The following XIRP2 variants were observed in gnomAD, a reference collection of about 807,000 sequenced individuals.
The protein encoded by XIRP2 is xin actin-binding repeat-containing protein 2.
Under a neutral mutation model 277.0 loss-of-function variants are expected in XIRP2, and 236 were observed. That is an observed-to-expected ratio of 0.85 (90% CI 0.77 to 0.95). The LOEUF is 0.95. Among genes scored for constraint, XIRP2 ranks in the 40% least tolerant of loss-of-function variants. The probability of loss-of-function intolerance (pLI) is 0.00; values close to 1 mark genes in which losing one functional copy is unlikely to be tolerated. For missense variants in XIRP2, 4,640 were observed against 4,157.5 expected (o/e 1.12, Z -3.19); for synonymous variants, 1,490 against 1,416.5 (o/e 1.05, Z -1.17).
intron 2 of XIRP2, among the ~76,000 whole-genome samples, chr2:166,951,531 A>G (rs903840963): frequency 6.6e-6 from 1 of 152,026 alleles, no homozygotes; most frequent in African/African-American, 2.4e-5. Flanking sequence ...AGTGGAAAAA[A>G]AAAATTTAGA....
At chr2:167,129,395 G>A (rs1272663128) in intron 2 of XIRP2, among the ~76,000 whole-genome samples, 1 of 152,072 alleles carries the variant, frequency 6.6e-6, no homozygotes, top group African/African-American at 2.4e-5. Flanking sequence ...ATATAAAGCA[G>A]TAGGGCAACC....
intron 2 of XIRP2, among the ~76,000 whole-genome samples, chr2:167,135,545 G>A (rs1691518431): frequency 6.6e-6 from 1 of 151,930 alleles, no homozygotes; most frequent in Non-Finnish European, 1.5e-5. Flanking sequence ...TTTTTACATT[G>A]CCATTTTTTG....
At chr2:167,176,813 C>G (rs1692859400) in intron 3 of XIRP2, among the ~76,000 whole-genome samples, 1 of 152,248 alleles carries the variant, frequency 6.6e-6, no homozygotes, top group African/African-American at 2.4e-5. Context: ...TTTAGCAAGT[C>G]CTGGTAGTTG....
At chr2:167,230,374 G>A (rs1694717454) in intron 5 of XIRP2, among the ~76,000 whole-genome samples, 2 of 151,788 alleles carry the variant, frequency 1.3e-5, no homozygotes. Context: ...CTTTTTTGTT[G>A]TTGTTTTTGA....
intron 3 of XIRP2, among the ~76,000 whole-genome samples, chr2:167,196,624 T>C (rs1573949447): frequency 6.6e-6 from 1 of 152,068 alleles, no homozygotes; most frequent in African/African-American, 2.4e-5. Flanking sequence ...ATTAGCGAGG[T>C]TTGTGACATT....
In XIRP2 at chr2:167,193,879, C is replaced by CAAAAA. The variant is rs767047580; in HGVS notation, c.563-16839_563-16835dup. On this transcript the variant is annotated intron_variant, in intron 3 of 10. Transcript: ENST00000409195. ...GGTGACACAGTATGAGACTCTGTCT[C>CAAAAA]AAAAAAAAAAAAAAAAAAAAATTCA... 6.8e-3 allele frequency among the ~76,000 whole-genome samples: 489 copies of CAAAAA among 71,792 alleles called. 12 individuals are homozygous for CAAAAA. Among genetic ancestry groups the CAAAAA allele is most frequent in the African/African-American group, 0.024 (466 of 19,282 alleles). The allele number at this position is 71,792 out of a possible 152,430, so 47.1% of individuals were successfully genotyped here. A position where few individuals can be genotyped will look rare whatever the true frequency, so the allele number is the denominator to read the frequency against.
At chr2:167,069,757 G>C (rs1689393713) in intron 2 of XIRP2, among the ~76,000 whole-genome samples, 1 of 152,108 alleles carries the variant, frequency 6.6e-6, no homozygotes, top group African/African-American at 2.4e-5. Flanking sequence ...GCACACAAAA[G>C]CCAGCTAACC....
In XIRP2 at chr2:167,061,958, C is replaced by T. The variant is rs533055425; in HGVS notation, c.409-73951C>T. ...CATTTTTTATGGCAGTCCTACAAAA[C>T]TAATACACTCAGTTTTTTGATAAAC... On this transcript the variant is annotated intron_variant, in intron 2 of 10. Coordinates refer to ENST00000409195, the MANE Select transcript of XIRP2 (RefSeq NM_152381.6). Among the ~76,000 whole-genome samples, 4 of 152,268 alleles carry T rather than the reference C, an allele frequency of 2.6e-5. No individual in the cohort carries two copies. The East Asian group carries it at 7.7e-4, about 29-fold the overall frequency.
chr2:167,155,024 C>A (rs1574304228), intron 3 of XIRP2, among the ~76,000 whole-genome samples: 1 of 151,966 alleles, frequency 6.6e-6, no homozygotes, highest in African/African-American at 2.4e-5. Flanking sequence ...TCAACACATA[C>A]ACCCTCCCAA....
chr2:167,011,859 A>C (rs892490955), intron 2 of XIRP2, among the ~76,000 whole-genome samples: 1 of 151,768 alleles, frequency 6.6e-6, no homozygotes, highest in Non-Finnish European at 1.5e-5. Flanking sequence ...TTTATTTGCG[A>C]AGAGGTGTTT....
chr2:167,230,987 T>G (rs1296485588), intron 5 of XIRP2, among the ~76,000 whole-genome samples: 1 of 152,120 alleles, frequency 6.6e-6, no homozygotes, highest in Non-Finnish European at 1.5e-5. Flanking sequence ...CTCCCCTAGT[T>G]GCTCGTAGAT....
intron 2 of XIRP2, among the ~76,000 whole-genome samples, chr2:167,095,483 A>C (rs1007027261): frequency 6.6e-6 from 1 of 152,080 alleles, no homozygotes; most frequent in South Asian, 2.1e-4. Flanking sequence ...TTTGAGATAC[A>C]TTTCATCAAT....
intron 2 of XIRP2, among the ~76,000 whole-genome samples, chr2:167,102,665 C>T (rs1229886998): frequency 6.6e-6 from 1 of 152,100 alleles, no homozygotes; most frequent in African/African-American, 2.4e-5. Flanking sequence ...ATTTAATCTT[C>T]ATAAAAGATC....
At chr2:167,219,081 T>C (rs555210159) in intron 5 of XIRP2, among the ~76,000 whole-genome samples, 2 of 151,550 alleles carry the variant, frequency 1.3e-5, no homozygotes, top group South Asian at 4.2e-4. Context: ...ACATATAGAG[T>C]TGCCTAAATT....
At chr2:167,188,726 A>C (rs1370721897) in intron 3 of XIRP2, among the ~76,000 whole-genome samples, 1 of 152,234 alleles carries the variant, frequency 6.6e-6, no homozygotes, top group East Asian at 1.9e-4. Context: ...AACTAGGTCC[A>C]TTTCTAAAAG....
At chr2:167,079,423 G>C (rs957071173) in intron 2 of XIRP2, among the ~76,000 whole-genome samples, 1 of 152,158 alleles carries the variant, frequency 6.6e-6, no homozygotes, top group Non-Finnish European at 1.5e-5. Flanking sequence ...GCTCTTCTTT[G>C]TACGTCTGGT....
intron 5 of XIRP2, among the ~76,000 whole-genome samples, chr2:167,229,048 C>A (rs1038433708): frequency 1.3e-5 from 2 of 152,072 alleles, no homozygotes; most frequent in African/African-American, 2.4e-5. Context: ...GCACCTAGAC[C>A]CTTTCCCCCA....
chr2:166,950,860 G>A (rs1198386797), intron 2 of XIRP2, among the ~76,000 whole-genome samples: 5 of 152,082 alleles, frequency 3.3e-5, no homozygotes, highest in Admixed American at 2.0e-4. Context: ...AAGTTCCCTC[G>A]TTAAGAAGTT....
chr2:167,006,431 G>A (rs1388594516), intron 2 of XIRP2, among the ~76,000 whole-genome samples: 3 of 151,676 alleles, frequency 2.0e-5, no homozygotes, highest in African/African-American at 7.3e-5. Flanking sequence ...TGTATACAAA[G>A]AACCGTGGCA....
Sources: gnomAD v4.1 joint callset for allele counts (sites outside exome capture counted in the v4.1 genomes callset) on GRCh38, gnomAD v4.1.1 for gene constraint, MANE v1.5 for transcripts, NCBI Gene and HGNC (gene_info 2026-07-23, HGNC 2026-07-21) for gene names.